The following LHFPL6 variants were observed in gnomAD, a reference collection of about 807,000 sequenced individuals.
LHFPL6 encodes LHFPL tetraspan subfamily member 6, also known as LHFPL tetraspan subfamily member 6 protein.
A neutral mutation model predicts 20.6 loss-of-function variants in LHFPL6; 9 were observed. The ratio of observed to expected loss-of-function variants is 0.44; its 90% CI spans 0.26 to 0.76. LHFPL6 has a LOEUF of 0.76. LHFPL6 is among the 30% of genes least tolerant of loss of function. The probability of loss-of-function intolerance (pLI) is 0.20; values close to 1 mark genes in which losing one functional copy is unlikely to be tolerated. For synonymous variants in LHFPL6, 105 were observed against 98.7 expected, an observed-to-expected ratio of 1.06 and a Z score of -0.38; for missense variants, 218 against 253.5, an observed-to-expected ratio of 0.86 and a Z score of 0.95.
chr13:39,556,955 C>A (rs1871323453), intron 2 of LHFPL6, among the ~76,000 whole-genome samples: 1 of 152,116 alleles, frequency 6.6e-6, no homozygotes. Flanking sequence ...GGGCAAGATC[C>A]TGTCCCTAAA....
At chr13:39,564,356 T>G (rs1871644812) in intron 2 of LHFPL6, among the ~76,000 whole-genome samples, 1 of 152,138 alleles carries the variant, frequency 6.6e-6, no homozygotes, top group Non-Finnish European at 1.5e-5. Flanking sequence ...AGAATAAAAA[T>G]GAACATTAAA....
At chr13:39,552,129 T>C (rs1260273277) in intron 2 of LHFPL6, among the ~76,000 whole-genome samples, 1 of 152,204 alleles carries the variant, frequency 6.6e-6, no homozygotes, top group East Asian at 1.9e-4. Context: ...TAGCATTCCC[T>C]TCATGGATCA....
intron 3 of LHFPL6, among the ~76,000 whole-genome samples, chr13:39,368,721 C>G (rs1870075907): frequency 6.6e-6 from 1 of 152,172 alleles, no homozygotes; most frequent in Non-Finnish European, 1.5e-5. Flanking sequence ...TAAAAAGAGA[C>G]AGGCATCATT....
chr13:39,470,575 T>C (rs950021552), intron 2 of LHFPL6, among the ~76,000 whole-genome samples: 1 of 152,186 alleles, frequency 6.6e-6, no homozygotes, highest in African/African-American at 2.4e-5. Flanking sequence ...ATTTCATCTA[T>C]GCACACTGCT....
chr13:39,383,997 A>G (rs892901494), intron 2 of LHFPL6, among the ~76,000 whole-genome samples: 1 of 151,932 alleles, frequency 6.6e-6, no homozygotes, highest in Non-Finnish European at 1.5e-5. Flanking sequence ...ACTTTCTCAG[A>G]CCTCTTAGTA....
chr13:39,413,344 A>G (rs9548755), intron 2 of LHFPL6, among the ~76,000 whole-genome samples: 4,490 of 152,270 alleles, frequency 0.029, 100 homozygotes, highest in East Asian at 0.13. Flanking sequence ...TGTACTCAGG[A>G]AAATATCCTA....
intron 2 of LHFPL6, among the ~76,000 whole-genome samples, chr13:39,492,099 A>G (rs1270996522): frequency 6.6e-6 from 1 of 152,236 alleles, no homozygotes; most frequent in Non-Finnish European, 1.5e-5. Context: ...GCCAAGCGCT[A>G]TAAGTACTCA....
chr13:39,393,910 C>T (rs1460337151), intron 2 of LHFPL6, among the ~76,000 whole-genome samples: 4 of 152,108 alleles, frequency 2.6e-5, no homozygotes, highest in Admixed American at 2.6e-4. Context: ...AGCAGACATC[C>T]CTAATGTCTC....
At chr13:39,525,830 C>A (rs1417687575) in intron 2 of LHFPL6, among the ~76,000 whole-genome samples, 4 of 151,634 alleles carry the variant, frequency 2.6e-5, no homozygotes, top group Non-Finnish European at 5.9e-5. Flanking sequence ...AAATCATAAT[C>A]CTCATAAAAA....
chr13:39,593,275 G>C (rs1872666941), intron 2 of LHFPL6, among the ~76,000 whole-genome samples: 1 of 152,154 alleles, frequency 6.6e-6, no homozygotes, highest in African/African-American at 2.4e-5. Context: ...TCAGCAAAGT[G>C]TCAGGATACA....
At chr13:39,533,763 T>A (rs188006108) in intron 2 of LHFPL6, among the ~76,000 whole-genome samples, 100 of 152,326 alleles carry the variant, frequency 6.6e-4, no homozygotes, top group African/African-American at 2.3e-3. Context: ...TATTTCCATG[T>A]CTGAAGCAAG....
intron 2 of LHFPL6, among the ~76,000 whole-genome samples, chr13:39,537,988 CTTTCTTTTT>C (rs1870675302): frequency 1.7e-5 from 2 of 116,338 alleles, no homozygotes; most frequent in Admixed American, 9.0e-5. Context: ...TTCTTTCTTT[CTTTCTTTTT>C]TTTTTTTTTT....
chr13:39,563,131 CA>C (rs1871598857), intron 2 of LHFPL6, among the ~76,000 whole-genome samples: 1 of 133,106 alleles, frequency 7.5e-6, no homozygotes, highest in African/African-American at 3.3e-5. Flanking sequence ...CACACACACA[CA>C]CACACACAGC....
intron 2 of LHFPL6, among the ~76,000 whole-genome samples, chr13:39,532,716 C>G (rs936762028): frequency 6.6e-6 from 1 of 152,038 alleles, no homozygotes; most frequent in African/African-American, 2.4e-5. Flanking sequence ...AATTGTAACC[C>G]TATAATGCTG....
chr13:39,487,268 A>G (rs9576820), intron 2 of LHFPL6, among the ~76,000 whole-genome samples: 33,382 of 152,124 alleles, frequency 0.22, 5,653 homozygotes, highest in East Asian at 0.72. Flanking sequence ...ATAAAAAAGA[A>G]ATTCTTCAAT....
intron 2 of LHFPL6, among the ~76,000 whole-genome samples, chr13:39,451,883 G>C (rs1032462076): frequency 5.3e-5 from 8 of 152,044 alleles, no homozygotes; most frequent in Admixed American, 4.6e-4. Flanking sequence ...TCTAAGCATA[G>C]TAATAAAACT....
At chr13:39,584,435 G>A (rs964515369) in intron 2 of LHFPL6, among the ~76,000 whole-genome samples, 3 of 150,682 alleles carry the variant, frequency 2.0e-5, no homozygotes, top group African/African-American at 4.9e-5. Context: ...GCTGAGGCAG[G>A]AGAATCACTT....
rs1190228920 is a variant in LHFPL6, at chr13:39,522,776, CAA to C, written c.385+78054_385+78055del. On this transcript the variant is annotated intron_variant, in intron 2 of 3. Transcript: ENST00000379589. ...AGGCAACCACAAGAAGAAACCACAC[CAA>C]AAAAAGTGTTTTGTTCTTCTTGTCA... Among the ~76,000 whole-genome samples, 3 of 152,156 alleles carry C rather than the reference CAA, an allele frequency of 2.0e-5. No homozygotes were observed. In the South Asian group the frequency reaches 6.2e-4, roughly 32 times the overall value.
intron 3 of LHFPL6, among the ~76,000 whole-genome samples, chr13:39,348,759 T>C (rs1036410625): frequency 3.0e-4 from 45 of 152,196 alleles, no homozygotes; most frequent in African/African-American, 9.9e-4. Context: ...TGCTATCCCC[T>C]GAGAGAGGCA....
Sources: allele counts gnomAD v4.1 joint callset (sites outside exome capture counted in the v4.1 genomes callset), GRCh38; gene constraint gnomAD v4.1.1; transcripts MANE v1.5; gene names NCBI Gene and HGNC (gene_info 2026-07-23, HGNC 2026-07-21).